Variants in MBTPS1 observed in about 807,000 individuals in gnomAD.
The protein encoded by MBTPS1 is membrane-bound transcription factor site-1 protease.
MBTPS1 carries 94 observed loss-of-function variants against 127.8 expected under a neutral mutation model. The ratio of observed to expected loss-of-function variants is 0.74; its 90% confidence interval spans 0.62 to 0.87. The LOEUF (loss-of-function observed/expected upper bound fraction) is 0.87. MBTPS1 is among the 40% of genes least tolerant of loss of function. MBTPS1 has a pLI of 0.00. For synonymous variants in MBTPS1, 632 were observed against 509.4 expected, an observed-to-expected ratio of 1.24 and a Z score of -3.24; for missense variants, 1,636 against 1,353.2, an observed-to-expected ratio of 1.21 and a Z score of -3.28.
At chr16:84,085,581 CA>C (rs71148876) in intron 9 of MBTPS1, among the ~76,000 whole-genome samples, 15,042 of 108,228 alleles carry the variant, frequency 0.14, 1,516 homozygotes, top group Middle Eastern at 0.23. Context: ...GCCCCCCCCC[CA>C]AAAAAAAAGA....
intron 1 of MBTPS1, among the ~76,000 whole-genome samples, chr16:84,106,261 C>T (rs534270165): frequency 3.3e-5 from 5 of 152,182 alleles, no homozygotes; most frequent in African/African-American, 1.2e-4. Flanking sequence ...TGCCACTACA[C>T]TCCAGCCTGG....
In MBTPS1 at chr16:84,070,696, C is replaced by T; in HGVS notation, c.1674G>A (p.Trp558Ter). The change falls in exon 13 of 23, where the codon TGG (tryptophan) becomes TGA (stop). Residue 558 changes from tryptophan (W) to a stop codon, truncating the protein, a stop_gained. Coordinates refer to ENST00000343411, the MANE Select transcript of MBTPS1 (RefSeq NM_003791.4). LOFTEE classifies it high-confidence loss of function. ...AFSYSSVLWP[W>*]SGYLAISISV... ...AAATGGAGATGGCCAGGTAGCCCGA[C>T]CAAGGCCATAAGACCGAGGAGTAGG... The T allele has an allele frequency of 1.2e-6, 2 of 1,614,078 alleles. No individual in the cohort carries two copies. Among genetic ancestry groups the T allele is most frequent in the Non-Finnish European group, 1.7e-6 (2 of 1,179,994 alleles).
rs150441032 is a variant in MBTPS1 at position 84,065,699 on chromosome 16, T to C, written c.2422A>G (p.Lys808Glu). ...EDGVVITQTF[K>E]DQGLEVLKQE... The stretch of plus-strand genomic sequence containing the variant: ...GAATGGCATCCTTTACCTTGGTCCT[T>C]GAAAGTCTGTGTTATCACGACGCCA... Residue 808 changes from lysine (K) to glutamate (E), a missense_variant, in exon 18 of 23, where the codon AAG becomes GAG. Coordinates refer to ENST00000343411, the MANE Select transcript of MBTPS1 (RefSeq NM_003791.4). The C allele has an allele frequency of 1.6e-5, 26 of 1,612,410 alleles. No homozygotes were observed. The highest frequency in any genetic ancestry group is 2.1e-5 in the Non-Finnish European group (25 of 1,178,964).
At chr16:84,079,125 C>T (rs1209773305) in intron 11 of MBTPS1, among the ~76,000 whole-genome samples, 1 of 152,204 alleles carries the variant, frequency 6.6e-6, no homozygotes, top group Admixed American at 6.5e-5. Flanking sequence ...GACCTCCCCG[C>T]TCTCTTGCTC....
At chr16:84,056,687 G>A (rs1168323881) in intron 21 of MBTPS1, 1 of 152,566 alleles carries the variant, frequency 6.6e-6, no homozygotes, top group African/African-American at 2.4e-5. Context: ...GTGGGAGAGA[G>A]TCTGAGCAGC....
rs761537500 is a variant in MBTPS1, at chr16:84,101,682, T to C, written c.102A>G (p.Pro34=). Residue 34 remains proline (P), a synonymous_variant, in exon 2 of 23, where the codon CCA becomes CCG. Transcript: ENST00000343411. ...AAGTCAGGTGGGAACAGCCAGGGCA[T>C]GGGGCCTTTTCAAAAGATTTCTTTT... is the stretch of plus-strand genomic sequence containing the variant. ...RLEKKSFEKA[P]CPGCSHLTLK... The C allele has an allele frequency of 1.2e-6, 2 of 1,614,170 alleles. No homozygotes were observed. Among genetic ancestry groups the C allele is most frequent in the African/African-American group, 1.3e-5 (1 of 75,036 alleles).
At chr16:84,085,808 ATAAGT>A (rs1165610091) in intron 9 of MBTPS1, among the ~76,000 whole-genome samples, 2 of 152,142 alleles carry the variant, frequency 1.3e-5, no homozygotes, top group Admixed American at 6.5e-5. Flanking sequence ...TTATCTCTAG[ATAAGT>A]TAAAATTAGA....
chr16:84,082,280 G>C (rs1043975208), intron 10 of MBTPS1: 1 of 155,030 alleles, frequency 6.5e-6, no homozygotes, highest in African/African-American at 2.4e-5. Context: ...ACACCGCCTG[G>C]CTGGGAGAAG....
intron 11 of MBTPS1, among the ~76,000 whole-genome samples, chr16:84,080,436 A>G (rs1396360183): frequency 6.6e-6 from 1 of 152,270 alleles, no homozygotes; most frequent in Non-Finnish European, 1.5e-5. Flanking sequence ...CAAGACACTG[A>G]GAAGTCACAA....
intron 2 of MBTPS1, among the ~76,000 whole-genome samples, chr16:84,100,913 G>C (rs145344873): frequency 0.027 from 4,156 of 151,796 alleles, 180 homozygotes; most frequent in African/African-American, 0.096. Context: ...CCAGCACTTT[G>C]GGAGGCCAAG....
At position 84,070,648 on chromosome 16, in the gene MBTPS1, G is replaced by A. The variant is rs146845311; in HGVS notation, c.1722C>T (p.Ser574=). 47 of 1,613,658 alleles carry A rather than the reference G, an allele frequency of 2.9e-5. No individual in the cohort carries two copies. In the African/African-American group the frequency reaches 6.0e-4, roughly 21 times the overall value. ...ISISVTKKAA[S]WEGIAQGHVM... is the part of the protein sequence containing the mutation. ...CATGGCCCTGAGCAATGCCTTCCCA[G>A]GAAGCCGCTTTCTTGGTCACAGAAA... is the stretch of plus-strand genomic sequence containing the variant. Residue 574 remains serine, a synonymous_variant, in exon 13 of 23, where the codon TCC becomes TCT. Transcript: ENST00000343411.
chr16:84,086,926 G>A (rs966726980), intron 9 of MBTPS1, among the ~76,000 whole-genome samples: 2 of 152,138 alleles, frequency 1.3e-5, no homozygotes, highest in African/African-American at 4.8e-5. Context: ...TGTTAGCAGA[G>A]TTGATATTAA....
chr16:84,112,076 C>T (rs1362728926), intron 1 of MBTPS1, among the ~76,000 whole-genome samples: 1 of 152,078 alleles, frequency 6.6e-6, no homozygotes, highest in Admixed American at 6.6e-5. Flanking sequence ...GTGACACATG[C>T]CTGTAATCCC....
intron 11 of MBTPS1, among the ~76,000 whole-genome samples, chr16:84,076,339 C>T (rs916553787): frequency 6.6e-6 from 1 of 152,030 alleles, no homozygotes; most frequent in African/African-American, 2.4e-5. Flanking sequence ...CAGCATCTTA[C>T]TTAACGGAGA....
chr16:84,107,187 G>C (rs541976801), intron 1 of MBTPS1, among the ~76,000 whole-genome samples: 1 of 152,176 alleles, frequency 6.6e-6, no homozygotes. Flanking sequence ...CAAAAGGAAG[G>C]TGGGCAAGCT....
chr16:84,092,485 T>A (rs2086123112), intron 6 of MBTPS1, among the ~76,000 whole-genome samples: 2 of 152,184 alleles, frequency 1.3e-5, no homozygotes, highest in South Asian at 4.1e-4. Context: ...TATTTTCTCA[T>A]ATACACCAAA....
intron 2 of MBTPS1, 48 bp downstream of exon 2, chr16:84,101,573 T>G (rs541886009): frequency 8.7e-6 from 13 of 1,499,096 alleles, no homozygotes; most frequent in Non-Finnish European, 1.0e-5. Context: ...TAAGTAAGCT[T>G]TAAAAAAATA....
intron 9 of MBTPS1, among the ~76,000 whole-genome samples, chr16:84,086,933 T>C (rs925315973): frequency 5.3e-5 from 8 of 152,156 alleles, no homozygotes; most frequent in African/African-American, 1.9e-4. Context: ...AGAGTTGATA[T>C]TAAGCTGTTC....
intron 12 of MBTPS1, 136 bp from the exon 13 acceptor site, chr16:84,070,912 A>G: frequency 3.0e-6 from 2 of 670,538 alleles, no homozygotes; most frequent in East Asian, 2.8e-5. Context: ...TAAAATTTAT[A>G]CACAGATACT....
Sources: gnomAD v4.1 joint callset for allele counts (sites outside exome capture counted in the v4.1 genomes callset) on GRCh38, gnomAD v4.1.1 for gene constraint, MANE v1.5 for transcripts, NCBI Gene and HGNC (gene_info 2026-07-23, HGNC 2026-07-21) for gene names.